Variants in SMG6 observed in about 807,000 individuals in gnomAD.
SMG6 encodes SMG6 nonsense mediated mRNA decay factor.
SMG6 carries 66 observed loss-of-function variants against 142.2 expected under a neutral mutation model. That is an observed-to-expected ratio of 0.46 (90% confidence interval 0.38 to 0.57). The LOEUF is 0.57. Ranked by LOEUF, SMG6 falls within the 20% of genes least tolerant of loss-of-function variation. The pLI is 0.00. For synonymous variants in SMG6, 779 were observed against 702.4 expected (o/e 1.11, Z -1.72); for missense variants, 1,793 against 1,832.0 (o/e 0.98, Z 0.39).
intron 8 of SMG6, among the ~76,000 whole-genome samples, chr17:2,278,043 A>C (rs536949099): frequency 6.6e-5 from 10 of 152,244 alleles, no homozygotes; most frequent in South Asian, 4.1e-4. Flanking sequence ...GGGAGATCCT[A>C]TCTCTCAAAA....
intron 10 of SMG6, among the ~76,000 whole-genome samples, chr17:2,203,560 T>C (rs2072594824): frequency 6.6e-6 from 1 of 152,184 alleles, no homozygotes; most frequent in Non-Finnish European, 1.5e-5. Context: ...AGACAGGTAG[T>C]CCCTATGGAA....
rs191146652 is a variant in SMG6, at chr17:2,151,434, C to T, written c.3357+21224G>A. 1.6e-3 allele frequency among the ~76,000 whole-genome samples: 238 copies of T among 152,248 alleles called. 1 individual carries two copies. Among genetic ancestry groups the T allele is most frequent in the Non-Finnish European group, 2.7e-3 (181 of 67,988 alleles). On this transcript the variant is annotated intron_variant, in intron 13 of 18. Transcript: ENST00000263073. ...AAAAGACATGCAAATAACTGAGATT[C>T]ACGAAGGCTCAGAAATTCTTCTCTG...
intron 2 of SMG6, among the ~76,000 whole-genome samples, 153 bp downstream of exon 2, chr17:2,298,753 C>A (rs1329487638): frequency 6.6e-6 from 1 of 151,814 alleles, no homozygotes; most frequent in African/African-American, 2.4e-5. Flanking sequence ...AATAAAACTT[C>A]TGTTCTGTTT....
At chr17:2,300,720 G>A in intron 1 of SMG6, 56 bp from the exon 2 acceptor site, 2 of 1,432,560 alleles carry the variant, frequency 1.4e-6, no homozygotes, top group East Asian at 2.3e-5. Flanking sequence ...GAATAAAGAA[G>A]GAAGATAGGG....
intron 10 of SMG6, among the ~76,000 whole-genome samples, chr17:2,204,737 C>T (rs769410324): frequency 7.2e-5 from 11 of 152,096 alleles, no homozygotes; most frequent in African/African-American, 7.2e-5. Flanking sequence ...GCGAGGTAGG[C>T]GAATCACTTA....
At chr17:2,230,056 T>C (rs1385228137) in intron 10 of SMG6, among the ~76,000 whole-genome samples, 1 of 150,250 alleles carries the variant, frequency 6.7e-6, no homozygotes, top group African/African-American at 2.4e-5. Flanking sequence ...TGTGGTGGCC[T>C]GTGCCTGTAA....
intron 13 of SMG6, among the ~76,000 whole-genome samples, chr17:2,159,649 C>A (rs1222002346): frequency 6.6e-6 from 1 of 152,084 alleles, no homozygotes; most frequent in Non-Finnish European, 1.5e-5. Context: ...ACTTAAATGA[C>A]TAAGCAATTC....
intron 8 of SMG6, among the ~76,000 whole-genome samples, chr17:2,250,493 T>G (rs1392100218): frequency 6.6e-6 from 1 of 151,836 alleles, no homozygotes; most frequent in Non-Finnish European, 1.5e-5. Flanking sequence ...GCTCAAGTGA[T>G]CCTCCCGCCT....
rs539475788 is a variant in SMG6 at position 2,291,149 on chromosome 17, A to G, written c.2337+1403T>C. 1.0e-3 allele frequency among the ~76,000 whole-genome samples: 155 copies of G among 152,194 alleles called. 1 individual carries two copies. Among genetic ancestry groups the G allele is most frequent in the African/African-American group, 3.1e-3 (128 of 41,534 alleles). On this transcript the variant is annotated intron_variant, in intron 6 of 18. Coordinates refer to ENST00000263073, the MANE Select transcript of SMG6 (RefSeq NM_017575.5). ...GGTCGAGACCATCCTGGCTAACACA[A>G]TGAAACCCCGTCTCTACTAAAAATA...
chr17:2,265,004 G>C (rs960317080), intron 8 of SMG6, among the ~76,000 whole-genome samples: 1 of 151,930 alleles, frequency 6.6e-6, no homozygotes, highest in Non-Finnish European at 1.5e-5. Context: ...TTAATCCCTA[G>C]GCCATCAAGA....
intron 10 of SMG6, among the ~76,000 whole-genome samples, chr17:2,218,700 A>C (rs1377371502): frequency 1.3e-5 from 2 of 152,136 alleles, no homozygotes; most frequent in African/African-American, 4.8e-5. Flanking sequence ...GTGAGGTGAA[A>C]GATTTAACCC....
rs1012288496 is a variant in SMG6 at position 2,109,037 on chromosome 17, A to C, written c.3358-23136T>G. On this transcript the variant is annotated intron_variant, in intron 13 of 18. Transcript: ENST00000263073. ...TTTTTCAGAGAGTAAACTCAACCCCAGAGACAATACATTAATTATCTGGCG... is the reference window on the plus strand; with the variant it reads ...TTTTTCAGAGAGTAAACTCAACCCCCGAGACAATACATTAATTATCTGGCG... Among the ~76,000 whole-genome samples the C allele has an allele frequency of 3.3e-5, 5 of 152,366 alleles. No homozygotes were observed. The East Asian group carries it at 7.7e-4, about 23-fold the overall frequency.
In SMG6 at chr17:2,065,630, C is replaced by T; in HGVS notation, c.3885G>A (p.Arg1295=). 6.2e-7 allele frequency: 1 copy of T among 1,613,994 alleles called. No homozygotes were observed. The highest frequency in any genetic ancestry group is 8.5e-7 in the Non-Finnish European group (1 of 1,180,036). ...GTACCACACGGGCGTAGCCCCCAGC[C>T]CGGTGGTCTGTCTCCTGCCCCTTGG... ...GLAKGQETDH[R]AGGYARVVQE... is the part of the protein sequence containing the mutation. Residue 1295 remains arginine, a synonymous_variant, in exon 17 of 19, where the codon CGG becomes CGA. Coordinates refer to ENST00000263073, the MANE Select transcript of SMG6 (RefSeq NM_017575.5).
intron 13 of SMG6, among the ~76,000 whole-genome samples, chr17:2,133,581 G>C (rs763552191): frequency 2.0e-5 from 3 of 152,162 alleles, no homozygotes; most frequent in Non-Finnish European, 4.4e-5. Flanking sequence ...ATGTCACCCA[G>C]GGATGGGATA....
At chr17:2,284,432 AATT>A (rs2074859585) in intron 6 of SMG6, among the ~76,000 whole-genome samples, 1 of 152,206 alleles carries the variant, frequency 6.6e-6, no homozygotes, top group Non-Finnish European at 1.5e-5. Context: ...ATTTATAAGC[AATT>A]AATAGGGAAA....
intron 13 of SMG6, among the ~76,000 whole-genome samples, chr17:2,096,292 C>G (rs1311134376): frequency 6.6e-6 from 1 of 152,194 alleles, no homozygotes; most frequent in African/African-American, 2.4e-5. Context: ...CAACCTTCGT[C>G]TTGAACCTGG....
chr17:2,211,530 G>C (rs947402644), intron 10 of SMG6, among the ~76,000 whole-genome samples: 3 of 152,070 alleles, frequency 2.0e-5, no homozygotes, highest in African/African-American at 7.2e-5. Flanking sequence ...CGGGCGTGGT[G>C]GTGGGCGCCT....
In SMG6 at chr17:2,299,165, AC is replaced by A; in HGVS notation, c.1587del (p.Gln529HisfsTer36). On this transcript the variant is annotated frameshift_variant, in exon 2 of 19. Transcript: ENST00000263073. LOFTEE classifies it high-confidence loss of function. The surrounding 1 kb of genome is among the most constrained non-coding windows in gnomAD (Gnocchi z 4.3). ...ACACCATTCGTAGGGCCCACTGGGTACTGTAGAGGGTTATAGCCCGTATAGG... is the reference window on the plus strand; with the variant it reads ...ACACCATTCGTAGGGCCCACTGGGTATGTAGAGGGTTATAGCCCGTATAGG... Reference protein sequence around the residue: ...QYPYTGYNPLQYPVGPTNGVY... With the variant: ...QYPYTGYNPLXYPVGPTNGVY... 6.2e-7 allele frequency: 1 copy of A among 1,613,068 alleles called. No individual in the cohort carries two copies. Among genetic ancestry groups the A allele is most frequent in the Non-Finnish European group, 8.5e-7 (1 of 1,179,328 alleles).
At chr17:2,141,981 G>A (rs2070494189) in intron 13 of SMG6, among the ~76,000 whole-genome samples, 1 of 152,178 alleles carries the variant, frequency 6.6e-6, no homozygotes, top group Non-Finnish European at 1.5e-5. Context: ...TCTGAAGTGT[G>A]TACTTCAGGT....
Sources: gnomAD v4.1 joint callset for allele counts (sites outside exome capture counted in the v4.1 genomes callset) on GRCh38, gnomAD v4.1.1 for gene constraint, Gnocchi (gnomAD v3.1) non-coding constraint, MANE v1.5 for transcripts, NCBI Gene and HGNC (gene_info 2026-07-23, HGNC 2026-07-21) for gene names.